Variants in ATXN7L2 observed in about 807,000 individuals in gnomAD.
ATXN7L2 encodes the protein ataxin-7-like protein 2.
A neutral mutation model predicts 59.6 loss-of-function variants in ATXN7L2; 17 were observed. The observed-to-expected ratio is 0.29, with a 90% CI of 0.20 to 0.43. ATXN7L2 has a LOEUF of 0.43. ATXN7L2 is among the 20% of genes least tolerant of loss of function. The probability of loss-of-function intolerance (pLI) is 1.00; values close to 1 mark genes in which losing one functional copy is unlikely to be tolerated. For missense variants in ATXN7L2, 858 were observed against 1,008.9 expected, an observed-to-expected ratio of 0.85 and a Z score of 2.03; for synonymous variants, 378 against 392.5, an observed-to-expected ratio of 0.96 and a Z score of 0.44.
At position 109,488,077 on chromosome 1, in the gene ATXN7L2, C is replaced by T. The variant is rs1027840607; in HGVS notation, c.796+273C>T. 2.6e-5 allele frequency among the ~76,000 whole-genome samples: 4 copies of T among 152,250 alleles called. No homozygotes were observed. The highest frequency in any genetic ancestry group is 9.6e-5 in the African/African-American group (4 of 41,474). ...CTAGATCCAGGGCGCCAGCCAGACA[C>T]ATCTCACAGCTGGCTTCTCTGGCCT... On this transcript the variant is annotated intron_variant, in intron 5 of 10. Transcript: ENST00000683729. The surrounding 1 kb of genome is among the most constrained non-coding windows in gnomAD (Gnocchi z 5.0).
intron 1 of ATXN7L2, chr1:109,485,799 A>AT: frequency 8.6e-7 from 1 of 1,157,176 alleles, no homozygotes; most frequent in Non-Finnish European, 1.1e-6. Context: ...TAGTGGGGCC[A>AT]TCTTAGTCCA....
In ATXN7L2 at chr1:109,491,728, G is replaced by C; in HGVS notation, c.2250+11G>C. On this transcript the variant is annotated intron_variant, in intron 10 of 10. Coordinates refer to ENST00000683729, the MANE Select transcript of ATXN7L2 (RefSeq NM_001350175.2). The surrounding 1 kb of genome is among the most constrained non-coding windows in gnomAD (Gnocchi z 4.1). ...TGCTCTACACTGAAGGTACCAGCCA[G>C]GCTCCCTGAAGATTGATGAGGGTGG... 1 of 1,575,338 alleles carries C rather than the reference G, an allele frequency of 6.3e-7. No homozygotes were observed.
chr1:109,485,928 C>A, intron 1 of ATXN7L2, 129 bp from the exon 2 acceptor site: 2 of 1,352,066 alleles, frequency 1.5e-6, no homozygotes, highest in Non-Finnish European at 1.9e-6. Context: ...GAGCTGCAGG[C>A]CCTGCTTGGG....
chr1:109,484,172 G>C, intron 1 of ATXN7L2, 92 bp downstream of exon 1: 1 of 1,211,182 alleles, frequency 8.3e-7, no homozygotes, highest in Non-Finnish European at 1.0e-6. Context: ...CCGCCGACTG[G>C]AGCCGCCGTC....
Position 109,486,669 on chromosome 1 carries a change from G to A in ATXN7L2, c.298+59G>A. Reference sequence around the variant, plus strand: ...AGGGGAAGGTGGAGCATGGAACTCTGAGGACAGGGTCAGTTGGGAGGTCTC... The same window carrying A: ...AGGGGAAGGTGGAGCATGGAACTCTAAGGACAGGGTCAGTTGGGAGGTCTC... On this transcript the variant is annotated intron_variant, in intron 3 of 10. Coordinates refer to ENST00000683729, the MANE Select transcript of ATXN7L2 (RefSeq NM_001350175.2). This position sits in a 1 kb window ranked among gnomAD's most constrained non-coding sequence, Gnocchi z 4.3. The A allele has an allele frequency of 6.9e-7, 1 of 1,450,182 alleles. No individual in the cohort carries two copies. The highest frequency in any genetic ancestry group is 9.6e-7 in the Non-Finnish European group (1 of 1,036,534). 89.8% of individuals were successfully genotyped at this position (1,450,182 alleles called of 1,614,324 possible).
intron 7 of ATXN7L2, 106 bp downstream of exon 7, chr1:109,489,206 T>A: frequency 7.0e-7 from 1 of 1,422,292 alleles, no homozygotes; most frequent in Non-Finnish European, 9.5e-7. Context: ...AGGCACTCCC[T>A]CAGCCCTGAG....
chr1:109,489,879 T>C (rs772267997), intron 7 of ATXN7L2, 51 bp from the exon 8 acceptor site: 1 of 1,604,762 alleles, frequency 6.2e-7, no homozygotes, highest in South Asian at 1.1e-5. Flanking sequence ...ATGCCCCTAC[T>C]CTGACCCCAC....
In ATXN7L2 at chr1:109,491,596, A is replaced by G. The variant is rs1657082071; in HGVS notation, c.2129A>G (p.Tyr710Cys). 1.2e-6 allele frequency: 2 copies of G among 1,613,672 alleles called. No homozygotes were observed. The highest frequency in any genetic ancestry group is 2.7e-5 in the African/African-American group (2 of 74,936). ...VAKKRKNLAT[Y>C]CRPVKAKHCQ... ...AAGAAGCGGAAAAACCTGGCCACTT[A>G]TTGCCGGCCAGTGAAGGCCAAGCAC... Residue 710 changes from tyrosine to cysteine, a missense_variant, in exon 10 of 11, where the codon TAT (tyrosine) becomes TGT (cysteine). By Grantham distance (194) the Tyr-to-Cys change is radical. Coordinates refer to ENST00000683729, the MANE Select transcript of ATXN7L2 (RefSeq NM_001350175.2). The surrounding 1 kb of genome is among the most constrained non-coding windows in gnomAD (Gnocchi z 4.1).
rs1046910442 is a variant in ATXN7L2, at chr1:109,489,187, T to C, written c.1133+87T>C. ...CCCCTGGAAACAGGCTCAGGGAGTG[T>C]CCTGGAAGAGGCACTCCCTCAGCCC... On this transcript the variant is annotated intron_variant, in intron 7 of 10. Transcript: ENST00000683729. 1.2e-5 allele frequency: 18 copies of C among 1,490,470 alleles called. 1 individual carries two copies. The Admixed American group carries it at 3.8e-4, about 31-fold the overall frequency. The allele number at this position is 1,490,470 out of a possible 1,614,324, so 92.3% of individuals were successfully genotyped here.
intron 7 of ATXN7L2, chr1:109,489,392 A>C: frequency 2.1e-6 from 1 of 466,862 alleles, no homozygotes; most frequent in Non-Finnish European, 3.8e-6. Context: ...GGGGAGCTGA[A>C]AGGGTCACAC....
chr1:109,487,518 C>G lies in ATXN7L2; in HGVS notation c.510C>G (p.Cys170Trp), dbSNP rs1301157660. 6.7e-7 allele frequency: 1 copy of G among 1,501,338 alleles called. No homozygotes were observed. Among genetic ancestry groups the G allele is most frequent in the African/African-American group, 1.4e-5 (1 of 70,902 alleles). The allele number at this position is 1,501,338 out of a possible 1,614,324, so 93.0% of individuals were successfully genotyped here. ...PPEKTQKDNLCLFVPVVNLEK... is the reference protein window; with the variant it reads ...PPEKTQKDNLWLFVPVVNLEK... Reference sequence around the variant, plus strand: ...GCCAACCCCCTCTCTCTGTGTGTAGCCTTTTCGTGCCTGTGGTGAATCTGG... The same window carrying G: ...GCCAACCCCCTCTCTCTGTGTGTAGGCTTTTCGTGCCTGTGGTGAATCTGG... The change falls in exon 5 of 11, where the codon TGC (cysteine) becomes TGG (tryptophan). Residue 170 changes from cysteine (C) to tryptophan (W), a missense_variant and splice_region_variant. Around this residue, in one of 3 missense-constraint regions of ATXN7L2, gnomAD observed 734 missense variants for 862.3 expected, o/e 0.85. Transcript: ENST00000683729.
Position 109,488,518 on chromosome 1 carries a change from T to G in ATXN7L2, c.879+53T>G. The G allele has an allele frequency of 1.3e-6, 2 of 1,517,630 alleles. No homozygotes were observed. The highest frequency in any genetic ancestry group is 1.2e-5 in the South Asian group (1 of 85,558). The allele number at this position is 1,517,630 out of a possible 1,614,324, so 94.0% of individuals were successfully genotyped here. On this transcript the variant is annotated intron_variant, in intron 6 of 10. Coordinates refer to ENST00000683729, the MANE Select transcript of ATXN7L2 (RefSeq NM_001350175.2). The surrounding 1 kb of genome is among the most constrained non-coding windows in gnomAD (Gnocchi z 5.0). ...GGAGGACAGCACAGGGCTTGCCCAC[T>G]CCTTCCCTGGGCAAAGAGAGGAATG...
At position 109,486,710 on chromosome 1, in the gene ATXN7L2, G is replaced by T; in HGVS notation, c.298+100G>T. The T allele has an allele frequency of 9.6e-7, 1 of 1,044,894 alleles. No homozygotes were observed. Among genetic ancestry groups the T allele is most frequent in the Non-Finnish European group, 1.4e-6 (1 of 701,446 alleles). The allele number at this position is 1,044,894 out of a possible 1,614,324, so 64.7% of individuals were successfully genotyped here. ...GGGAGGTCTCGTAGGGTAATGGAGG[G>T]TGGTGTTGAGGATAGGAAGGTTGTG... On this transcript the variant is annotated intron_variant, in intron 3 of 10. Transcript: ENST00000683729. This position sits in a 1 kb window ranked among gnomAD's most constrained non-coding sequence, Gnocchi z 4.3.
rs769465395 is a variant in ATXN7L2 at position 109,487,769 on chromosome 1, C to G, written c.761C>G (p.Thr254Ser). ...GSPPEKEPSG[T>S]RLPPKTHRKM... is the part of the protein sequence containing the mutation. ...CCTCCTGAAAAGGAGCCCAGTGGGACCAGGCTGCCCCCTAAAACCCACCGG... is the reference window on the plus strand; with the variant it reads ...CCTCCTGAAAAGGAGCCCAGTGGGAGCAGGCTGCCCCCTAAAACCCACCGG... The change falls in exon 5 of 11, where the codon ACC becomes AGC. Residue 254 changes from threonine (T) to serine (S), a missense_variant. Around this residue, in one of 3 missense-constraint regions of ATXN7L2, gnomAD observed 734 missense variants for 862.3 expected, o/e 0.85. Transcript: ENST00000683729. 1.2e-6 allele frequency: 2 copies of G among 1,609,200 alleles called. No homozygotes were observed. Among genetic ancestry groups the G allele is most frequent in the South Asian group, 2.2e-5 (2 of 90,372 alleles).
In ATXN7L2 at chr1:109,486,313, C is replaced by G; in HGVS notation, c.193+191C>G. 1.0e-6 allele frequency: 1 copy of G among 997,460 alleles called. No individual in the cohort carries two copies. Among genetic ancestry groups the G allele is most frequent in the Non-Finnish European group, 1.4e-6 (1 of 701,332 alleles). The allele number at this position is 997,460 out of a possible 1,614,324, so 61.8% of individuals were successfully genotyped here. A position where few individuals can be genotyped will look rare whatever the true frequency, so the allele number is the denominator to read the frequency against. On this transcript the variant is annotated intron_variant, in intron 2 of 10. Transcript: ENST00000683729. The surrounding 1 kb of genome is among the most constrained non-coding windows in gnomAD (Gnocchi z 4.3). ...GGAGATCATAATCATAGGTGATTGC[C>G]CACTCACCTGAAAGCGTATACCCTT...
intron 7 of ATXN7L2, 107 bp downstream of exon 7, chr1:109,489,207 C>A (rs566653871): frequency 1.4e-6 from 2 of 1,405,974 alleles, no homozygotes; most frequent in Admixed American, 2.2e-5. Flanking sequence ...GGCACTCCCT[C>A]AGCCCTGAGT....
Position 109,484,046 on chromosome 1 carries a change from G to A in ATXN7L2, c.93G>A (p.Ser31=). ...LDDFAGQSWS[S]WVERADLPAA... is the part of the protein sequence containing the mutation. ...ACTTCGCGGGACAGAGCTGGAGCTC[G>A]TGGGTGGAGCGGGCCGACCTGCCCG... Residue 31 remains serine, a synonymous_variant, in exon 1 of 11, where the codon TCG becomes TCA. Transcript: ENST00000683729. The A allele has an allele frequency of 6.6e-7, 1 of 1,514,736 alleles. No individual in the cohort carries two copies. The highest frequency in any genetic ancestry group is 1.2e-5 in the South Asian group (1 of 81,436). The allele number at this position is 1,514,736 out of a possible 1,614,324, so 93.8% of individuals were successfully genotyped here. A position where few individuals can be genotyped will look rare whatever the true frequency, so the allele number is the denominator to read the frequency against.
chr1:109,486,614 AG>A lies in ATXN7L2; in HGVS notation c.298+8del. 6.2e-7 allele frequency: 1 copy of A among 1,611,646 alleles called. No individual in the cohort carries two copies. The highest frequency in any genetic ancestry group is 1.1e-5 in the South Asian group (1 of 90,990). ...CAAGCTTTCCAGAAGCACTGCGGTGAGGGGAGCCCTAGGGAGGAGATAAAGG... is the reference window on the plus strand; with the variant it reads ...CAAGCTTTCCAGAAGCACTGCGGTGAGGGAGCCCTAGGGAGGAGATAAAGG... On this transcript the variant is annotated splice_donor_5th_base_variant and intron_variant, in intron 3 of 10. Transcript: ENST00000683729. This position sits in a 1 kb window ranked among gnomAD's most constrained non-coding sequence, Gnocchi z 4.3.
rs917468639 is a variant in ATXN7L2 at position 109,488,206 on chromosome 1, A to T, written c.797-177A>T. Reference sequence around the variant, plus strand: ...AAATTGGGATAGGGATGGTTCTCACACCCAGCAAGGAGATGTTGATGCCCA... The same window carrying T: ...AAATTGGGATAGGGATGGTTCTCACTCCCAGCAAGGAGATGTTGATGCCCA... On this transcript the variant is annotated intron_variant, in intron 5 of 10. Transcript: ENST00000683729. The surrounding 1 kb of genome is among the most constrained non-coding windows in gnomAD (Gnocchi z 5.0). Among the ~76,000 whole-genome samples, 1 of 152,166 alleles carries T rather than the reference A, an allele frequency of 6.6e-6. No individual in the cohort carries two copies. The highest frequency in any genetic ancestry group is 2.4e-5 in the African/African-American group (1 of 41,440).
Sources: gnomAD v4.1 joint callset for allele counts (sites outside exome capture counted in the v4.1 genomes callset) on GRCh38, gnomAD v4.1.1 for gene constraint, gnomAD v4.1.1 regional missense constraint, Gnocchi (gnomAD v3.1) non-coding constraint, MANE v1.5 for transcripts, NCBI Gene and HGNC (gene_info 2026-07-23, HGNC 2026-07-21) for gene names.